PTP4A3: variants seen among roughly 807,000 people sequenced by gnomAD.
The protein encoded by PTP4A3 is protein tyrosine phosphatase type IVA 3.
In PTP4A3, 9 loss-of-function variants were observed where a neutral mutation model predicts 15.2. The ratio of observed to expected loss-of-function variants is 0.59; its 90% confidence interval spans 0.36 to 1.03. PTP4A3 has a LOEUF of 1.03. Among genes scored for constraint, PTP4A3 ranks in the 50% least tolerant of loss-of-function variants. The pLI is 0.02. For synonymous variants in PTP4A3, 95 were observed against 102.0 expected (o/e 0.93, Z 0.41); for missense variants, 234 against 252.1 (o/e 0.93, Z 0.49).
chr8:141,401,006 GC>G (rs746685766), intron 1 of PTP4A3, among the ~76,000 whole-genome samples: 13 of 152,146 alleles, frequency 8.5e-5, no homozygotes, highest in Non-Finnish European at 1.8e-4. Context: ...GAAGGGGCAA[GC>G]CGGGTGAGGA....
At chr8:141,408,109 G>A (rs563824110) in intron 1 of PTP4A3, among the ~76,000 whole-genome samples, 1 of 152,314 alleles carries the variant, frequency 6.6e-6, no homozygotes, top group African/African-American at 2.4e-5. Flanking sequence ...AAGGAACCAG[G>A]CGCAGAGGGC....
At position 141,431,046 on chromosome 8, in the gene PTP4A3, T is replaced by A; in HGVS notation, c.*2T>A. The A allele has an allele frequency of 6.2e-7, 1 of 1,612,678 alleles. No homozygotes were observed. Among genetic ancestry groups the A allele is most frequent in the Non-Finnish European group, 8.5e-7 (1 of 1,179,572 alleles). ...AAGACCCGGTGCTGCGTTATGTAGCTCAGGACCTTGGCTGGGCCTGGTCGT... is the reference window on the plus strand; with the variant it reads ...AAGACCCGGTGCTGCGTTATGTAGCACAGGACCTTGGCTGGGCCTGGTCGT... On this transcript the variant is annotated 3_prime_UTR_variant, in exon 6 of 6. Coordinates refer to ENST00000521578, the MANE Select transcript of PTP4A3 (RefSeq NM_032611.3).
intron 1 of PTP4A3, among the ~76,000 whole-genome samples, chr8:141,418,023 G>A (rs1206396462): frequency 2.0e-5 from 3 of 152,034 alleles, no homozygotes; most frequent in Non-Finnish European, 4.4e-5. Flanking sequence ...GCGCGGGTGA[G>A]CCTGGCAGGT....
At chr8:141,405,076 G>C (rs1832689759) in intron 1 of PTP4A3, among the ~76,000 whole-genome samples, 1 of 152,214 alleles carries the variant, frequency 6.6e-6, no homozygotes, top group Non-Finnish European at 1.5e-5. Flanking sequence ...AACGCTCCCT[G>C]TCTGCCGCCC....
intron 1 of PTP4A3, among the ~76,000 whole-genome samples, chr8:141,413,290 C>T (rs760804529): frequency 3.9e-5 from 6 of 152,196 alleles, no homozygotes; most frequent in Non-Finnish European, 7.3e-5. Context: ...CTGTGAGCTC[C>T]GAATGAAACT....
chr8:141,410,118 T>C lies in PTP4A3; in HGVS notation c.-853-11270T>C, dbSNP rs895595576. On this transcript the variant is annotated intron_variant, in intron 1 of 5. Coordinates refer to ENST00000521578, the MANE Select transcript of PTP4A3 (RefSeq NM_032611.3). ...GCGGTCACAGCCCACATGGCCTGCC[T>C]GCCACCCCCTCATGCCATGGCCTGG... 6.6e-5 allele frequency among the ~76,000 whole-genome samples: 10 copies of C among 152,354 alleles called. No individual in the cohort carries two copies. In the East Asian group the frequency reaches 1.3e-3, roughly 21 times the overall value.
At chr8:141,422,742 C>G (rs1037328429) in intron 2 of PTP4A3, among the ~76,000 whole-genome samples, 1 of 152,154 alleles carries the variant, frequency 6.6e-6, no homozygotes, top group Non-Finnish European at 1.5e-5. Context: ...CTGGATGAGG[C>G]CTCAGGTTAG....
intron 1 of PTP4A3, among the ~76,000 whole-genome samples, 161 bp from the exon 2 acceptor site, chr8:141,421,227 G>A (rs1282614281): frequency 6.6e-6 from 1 of 152,204 alleles, no homozygotes; most frequent in East Asian, 1.9e-4. Flanking sequence ...TCCCATATAA[G>A]GAAATAGACC....
chr8:141,413,797 C>G (rs1832935008), intron 1 of PTP4A3, among the ~76,000 whole-genome samples: 1 of 151,634 alleles, frequency 6.6e-6, no homozygotes, highest in South Asian at 2.1e-4. Context: ...AGTGACTGGT[C>G]CACAGCTGGT....
rs1477191338 is a variant in PTP4A3 at position 141,431,294 on chromosome 8, G to C, written c.*250G>C. The C allele has an allele frequency of 2.3e-5, 13 of 554,664 alleles. No homozygotes were observed. The highest frequency in any genetic ancestry group is 1.6e-4 in the South Asian group (7 of 44,506). 34.4% of individuals were successfully genotyped at this position (554,664 alleles called of 1,614,324 possible). On this transcript the variant is annotated 3_prime_UTR_variant, in exon 6 of 6. Coordinates refer to ENST00000521578, the MANE Select transcript of PTP4A3 (RefSeq NM_032611.3). ...CTCTGGCGGCGCTGGCCGTGGCTCT[G>C]TCTCTCTGAGGTGGGTCGGGCGCCC...
chr8:141,431,672 A>AC lies in PTP4A3; in HGVS notation c.*632dup, dbSNP rs940367516. The AC allele has an allele frequency of 6.6e-6, 1 of 152,058 alleles. No homozygotes were observed. Among genetic ancestry groups the AC allele is most frequent in the African/African-American group, 2.4e-5 (1 of 41,246 alleles). The allele number at this position is 152,058 out of a possible 1,614,324, so 9.4% of individuals were successfully genotyped here. ...TCTGGTGGCCGCTCTGGGTCCTTGC[A>AC]CCCCGACCCAGGGGCCAGCCTGCCC... On this transcript the variant is annotated 3_prime_UTR_variant, in exon 6 of 6. Coordinates refer to ENST00000521578, the MANE Select transcript of PTP4A3 (RefSeq NM_032611.3).
chr8:141,415,488 G>A (rs1342219256), intron 1 of PTP4A3, among the ~76,000 whole-genome samples: 6 of 150,504 alleles, frequency 4.0e-5, no homozygotes, highest in Non-Finnish European at 8.9e-5. Context: ...GCCCGCCGCA[G>A]CCCTGGGACC....
In PTP4A3 at chr8:141,406,620, C is replaced by G. The variant is rs1832731262; in HGVS notation, c.-854+14536C>G. Among the ~76,000 whole-genome samples the G allele has an allele frequency of 6.6e-6, 1 of 152,196 alleles. No homozygotes were observed. The highest frequency in any genetic ancestry group is 2.4e-5 in the African/African-American group (1 of 41,446). ...CCAGTGTTTGTGATCAAACGGGGCCCAGACTCATTGACATCCTGCGTGAAC... is the reference window on the plus strand; with the variant it reads ...CCAGTGTTTGTGATCAAACGGGGCCGAGACTCATTGACATCCTGCGTGAAC... On this transcript the variant is annotated intron_variant, in intron 1 of 5. Coordinates refer to ENST00000521578, the MANE Select transcript of PTP4A3 (RefSeq NM_032611.3). The surrounding 1 kb of genome is among the most constrained non-coding windows in gnomAD (Gnocchi z 4.5).
chr8:141,430,202 G>A (rs991861814), intron 5 of PTP4A3, among the ~76,000 whole-genome samples: 1 of 148,414 alleles, frequency 6.7e-6, no homozygotes, highest in Non-Finnish European at 1.5e-5. Context: ...ACCAGGTGGC[G>A]GGGACAGGGT....
intron 1 of PTP4A3, among the ~76,000 whole-genome samples, chr8:141,410,277 C>T (rs1832835079): frequency 6.6e-6 from 1 of 152,248 alleles, no homozygotes; most frequent in Non-Finnish European, 1.5e-5. Context: ...CTGGCCCAAT[C>T]TGGAGTTGCC....
chr8:141,396,204 G>A (rs560320891), intron 1 of PTP4A3, among the ~76,000 whole-genome samples: 13 of 152,340 alleles, frequency 8.5e-5, no homozygotes, highest in East Asian at 1.9e-4. Context: ...GGACTCATAC[G>A]TAAAACTTGA....
intron 1 of PTP4A3, among the ~76,000 whole-genome samples, chr8:141,395,881 A>AT (rs1415803741): frequency 1.3e-5 from 2 of 152,100 alleles, no homozygotes; most frequent in African/African-American, 4.8e-5. Flanking sequence ...GGGTGCCCTC[A>AT]TGTCAGGGCT....
intron 1 of PTP4A3, among the ~76,000 whole-genome samples, chr8:141,415,025 G>T (rs1269888462): frequency 6.8e-6 from 1 of 147,810 alleles, no homozygotes; most frequent in African/African-American, 2.5e-5. Context: ...GTGGCGGGGG[G>T]CCTGGGTGGG....
chr8:141,419,238 G>T (rs1034768357), intron 1 of PTP4A3, among the ~76,000 whole-genome samples: 3 of 152,212 alleles, frequency 2.0e-5, no homozygotes, highest in Non-Finnish European at 4.4e-5. Flanking sequence ...GCCACGTGCT[G>T]GTGCCTGTGG....
Sources: gnomAD v4.1 joint callset for allele counts (sites outside exome capture counted in the v4.1 genomes callset) on GRCh38, gnomAD v4.1.1 for gene constraint, Gnocchi (gnomAD v3.1) non-coding constraint, MANE v1.5 for transcripts, NCBI Gene and HGNC (gene_info 2026-07-23, HGNC 2026-07-21) for gene names.